SYTL4: variants seen among roughly 807,000 people sequenced by gnomAD.
SYTL4 encodes synaptotagmin-like protein 4.
In SYTL4, 16 loss-of-function variants were observed where a neutral mutation model predicts 52.7. That is an observed-to-expected ratio of 0.30 (90% CI 0.21 to 0.46). The LOEUF is 0.46. Among genes scored for constraint, SYTL4 ranks in the 20% least tolerant of loss-of-function variants. SYTL4 has a pLI of 1.00. For missense variants in SYTL4, 423 were observed against 519.9 expected, an observed-to-expected ratio of 0.81 and a Z score of 1.81; for synonymous variants, 160 against 186.6, an observed-to-expected ratio of 0.86 and a Z score of 1.16.
chrX:100,698,196 G>A (rs185782424), intron 8 of SYTL4, among the ~76,000 whole-genome samples: 14,244 of 109,947 alleles, frequency 0.13, 2,221 homozygotes, highest in African/African-American at 0.44. Flanking sequence ...TCCGCCTCCC[G>A]GGTTCACGCC....
intron 8 of SYTL4, among the ~76,000 whole-genome samples, chrX:100,692,908 A>G (rs187808729): frequency 2.7e-5 from 3 of 111,424 alleles, no homozygotes; most frequent in Non-Finnish European, 5.7e-5. Flanking sequence ...TATCCTCAAT[A>G]AACTAATAAC....
chrX:100,705,762 T>C (rs1157178050), intron 2 of SYTL4, among the ~76,000 whole-genome samples: 1 of 111,675 alleles, frequency 9.0e-6, no homozygotes, highest in African/African-American at 3.3e-5. Context: ...GAAATAAAGA[T>C]AGTATCTTAA....
At chrX:100,699,636 G>A (rs1376988310) in intron 8 of SYTL4, among the ~76,000 whole-genome samples, 3 of 97,141 alleles carry the variant, frequency 3.1e-5, no homozygotes, top group Non-Finnish European at 4.1e-5. Context: ...CTACAGGTGC[G>A]TGCCACCACA....
intron 17 of SYTL4, among the ~76,000 whole-genome samples, chrX:100,679,874 T>A (rs770804137): frequency 8.9e-4 from 100 of 111,930 alleles, no homozygotes; most frequent in Admixed American, 3.0e-3. Flanking sequence ...AATTTAAATA[T>A]CTCTTTCTCC....
intron 8 of SYTL4, among the ~76,000 whole-genome samples, chrX:100,698,445 G>A (rs778110192): frequency 9.0e-6 from 1 of 111,590 alleles, no homozygotes; most frequent in African/African-American, 3.3e-5. Context: ...AAAATTTTCA[G>A]GCAAGTCCAA....
intron 8 of SYTL4, among the ~76,000 whole-genome samples, chrX:100,699,482 C>CATTTTTT (rs1313181387): frequency 1.2e-4 from 7 of 59,892 alleles, no homozygotes; most frequent in Admixed American, 6.2e-4. Flanking sequence ...CAGCATTACT[C>CATTTTTT]TTTTTTTTTT....
intron 2 of SYTL4, among the ~76,000 whole-genome samples, chrX:100,710,265 T>A (rs1339569898): frequency 2.7e-5 from 3 of 111,982 alleles, no homozygotes; most frequent in Non-Finnish European, 3.8e-5. Context: ...AACCAGAGTC[T>A]TTCAAAATAT....
Position 100,696,153 on chromosome X carries a change from G to A in SYTL4, c.539+4744C>T, listed in dbSNP as rs150331797. Among the ~76,000 whole-genome samples, 148 of 112,015 alleles carry A rather than the reference G, an allele frequency of 1.3e-3. 1 individual carries two copies. Among genetic ancestry groups the A allele is most frequent in the African/African-American group, 4.6e-3 (142 of 30,904 alleles). ...AAATAAAGCTGCTATGAACATTCAC[G>A]TAGAAGTCTTTGTACAAACATACGT... On this transcript the variant is annotated intron_variant, in intron 8 of 19. Transcript: ENST00000372989.
intron 16 of SYTL4, among the ~76,000 whole-genome samples, chrX:100,682,672 A>G (rs2083398004): frequency 9.1e-6 from 1 of 110,401 alleles, no homozygotes; most frequent in African/African-American, 3.3e-5. Context: ...GCACCACCGC[A>G]CTCCAGCCTG....
chrX:100,703,791 G>C (rs1382291935), intron 3 of SYTL4, among the ~76,000 whole-genome samples: 1 of 111,788 alleles, frequency 8.9e-6, no homozygotes, highest in African/African-American at 3.2e-5. Context: ...CACACGTACT[G>C]ACATAAAAAT....
intron 12 of SYTL4, among the ~76,000 whole-genome samples, chrX:100,689,280 T>A (rs1462075922): frequency 1.0e-5 from 1 of 98,100 alleles, no homozygotes; most frequent in Non-Finnish European, 2.1e-5. Flanking sequence ...GAGGCTGAGG[T>A]GGGAGGACAG....
intron 19 of SYTL4, among the ~76,000 whole-genome samples, chrX:100,677,443 G>T (rs982135758): frequency 9.0e-6 from 1 of 111,703 alleles, no homozygotes; most frequent in African/African-American, 3.3e-5. Context: ...ACATGAATTG[G>T]CTTACATGTG....
intron 2 of SYTL4, among the ~76,000 whole-genome samples, chrX:100,718,050 A>G (rs1265412578): frequency 2.7e-5 from 3 of 111,974 alleles, no homozygotes; most frequent in South Asian, 3.8e-4. Context: ...TAATAATAAG[A>G]GCTCCTGCCT....
chrX:100,692,131 T>G (rs760214550), intron 8 of SYTL4, among the ~76,000 whole-genome samples: 1 of 111,771 alleles, frequency 8.9e-6, no homozygotes, highest in South Asian at 3.8e-4. Context: ...GGTCTCTCCT[T>G]ATATGTCAAT....
At chrX:100,714,351 C>T (rs1361044589) in intron 2 of SYTL4, among the ~76,000 whole-genome samples, 1 of 108,949 alleles carries the variant, frequency 9.2e-6, no homozygotes, top group Non-Finnish European at 1.9e-5. Flanking sequence ...GCTCCGCCTC[C>T]TGGGTTCACG....
At chrX:100,707,212 A>C (rs2083974432) in intron 2 of SYTL4, among the ~76,000 whole-genome samples, 1 of 112,376 alleles carries the variant, frequency 8.9e-6, no homozygotes, top group South Asian at 3.7e-4. Context: ...GCTGTAATGC[A>C]AGTCTGCATA....
intron 8 of SYTL4, among the ~76,000 whole-genome samples, chrX:100,699,026 A>G (rs1342541605): frequency 8.9e-6 from 1 of 111,830 alleles, no homozygotes; most frequent in Non-Finnish European, 1.9e-5. Context: ...ATATTGAAAC[A>G]GGCAGATTTT....
intron 8 of SYTL4, among the ~76,000 whole-genome samples, chrX:100,698,010 G>A (rs1400727502): frequency 1.8e-5 from 2 of 112,142 alleles, no homozygotes; most frequent in African/African-American, 6.5e-5. Flanking sequence ...CAGCAATGAA[G>A]AAAGAACTCA....
In SYTL4 at chrX:100,690,242, T is replaced by TAAG; in HGVS notation, c.718-80_718-78dup. 8 of 718,813 alleles carry TAAG rather than the reference T, an allele frequency of 1.1e-5. No individual in the cohort carries two copies. The South Asian group carries it at 2.1e-4, about 19-fold the overall frequency. The allele number at this position is 718,813 out of a possible 1,213,427, so 59.2% of individuals were successfully genotyped here. On this transcript the variant is annotated intron_variant, in intron 10 of 19. Transcript: ENST00000372989. The stretch of plus-strand genomic sequence containing the variant: ...AGGAGTGAGTAAGGAAGGACAGTCT[T>TAAG]AAGAAGAATAAGGCTCAGATTTTCG...
Sources: gnomAD v4.1 joint callset for allele counts (sites outside exome capture counted in the v4.1 genomes callset) on GRCh38, gnomAD v4.1.1 for gene constraint, MANE v1.5 for transcripts, NCBI Gene and HGNC (gene_info 2026-07-23, HGNC 2026-07-21) for gene names.